The following CSMD1 variants were observed in gnomAD, a reference collection of about 807,000 sequenced individuals.
CSMD1 encodes CUB and sushi domain-containing protein 1.
CSMD1 carries 213 observed loss-of-function variants against 417.5 expected under a neutral mutation model. That is an observed-to-expected ratio of 0.51 (90% CI 0.46 to 0.57). The LOEUF (loss-of-function observed/expected upper bound fraction) is 0.57, where lower values mean the gene tolerates loss of function less well. CSMD1 is among the 20% of genes least tolerant of loss of function. CSMD1 has a pLI of 0.00. For missense variants in CSMD1, 6,923 were observed against 4,529.7 expected (o/e 1.53, Z -15.17); for synonymous variants, 2,862 against 1,736.8 (o/e 1.65, Z -16.11).
At chr8:3,954,583 G>T (rs913453240) in intron 5 of CSMD1, among the ~76,000 whole-genome samples, 1 of 152,222 alleles carries the variant, frequency 6.6e-6, no homozygotes, top group African/African-American at 2.4e-5. Flanking sequence ...TGCTCAGGCT[G>T]GAACGCCTGA....
chr8:4,914,505 G>A (rs542569706), intron 1 of CSMD1, among the ~76,000 whole-genome samples: 10 of 150,958 alleles, frequency 6.6e-5, no homozygotes, highest in Admixed American at 3.3e-4. Flanking sequence ...GTGAACCTGG[G>A]ATGCGGAGTT....
intron 5 of CSMD1, among the ~76,000 whole-genome samples, chr8:3,992,992 G>T (rs145972891): frequency 1.3e-5 from 2 of 152,214 alleles, no homozygotes; most frequent in Non-Finnish European, 2.9e-5. Flanking sequence ...GTTGGACAGG[G>T]CCAAGGAGGC....
chr8:4,049,664 C>G (rs1288614283), intron 3 of CSMD1, among the ~76,000 whole-genome samples: 1 of 152,068 alleles, frequency 6.6e-6, no homozygotes, highest in Non-Finnish European at 1.5e-5. Flanking sequence ...AATCGACAAG[C>G]ATAGGTATAG....
intron 26 of CSMD1, among the ~76,000 whole-genome samples, chr8:3,238,887 G>T (rs948358329): frequency 9.9e-5 from 15 of 152,144 alleles, no homozygotes; most frequent in African/African-American, 3.6e-4. Flanking sequence ...GTGTAAACCA[G>T]CAGTGTAATC....
chr8:4,572,852 T>G (rs1462213480), intron 2 of CSMD1, among the ~76,000 whole-genome samples: 1 of 152,180 alleles, frequency 6.6e-6, no homozygotes, highest in Non-Finnish European at 1.5e-5. Flanking sequence ...TCTTCATGCT[T>G]TATTTCATTA....
chr8:2,971,965 T>A (rs1282632669), intron 57 of CSMD1, among the ~76,000 whole-genome samples: 2 of 152,122 alleles, frequency 1.3e-5, no homozygotes, highest in African/African-American at 4.8e-5. Flanking sequence ...CATATGTGTA[T>A]GCCTATATTA....
At chr8:3,505,325 A>G (rs1796778980) in intron 10 of CSMD1, among the ~76,000 whole-genome samples, 1 of 152,220 alleles carries the variant, frequency 6.6e-6, no homozygotes, top group African/African-American at 2.4e-5. Flanking sequence ...GAAACTTTGA[A>G]GGAGCAAAAG....
At chr8:3,339,636 A>C (rs1405403615) in intron 23 of CSMD1, among the ~76,000 whole-genome samples, 1 of 152,126 alleles carries the variant, frequency 6.6e-6, no homozygotes, top group Non-Finnish European at 1.5e-5. Context: ...TCTGATATCC[A>C]ATGCTTCTGT....
At chr8:4,118,432 G>A (rs1802286008) in intron 3 of CSMD1, among the ~76,000 whole-genome samples, 2 of 151,614 alleles carry the variant, frequency 1.3e-5, no homozygotes, top group Non-Finnish European at 2.9e-5. Flanking sequence ...GTATACAAAG[G>A]ATATGGACAG....
intron 1 of CSMD1, among the ~76,000 whole-genome samples, chr8:4,879,612 C>T (rs1803269006): frequency 1.3e-5 from 2 of 151,816 alleles, no homozygotes; most frequent in African/African-American, 4.8e-5. Context: ...ACTGTAGTTA[C>T]AGAATCAACA....
At chr8:3,740,580 C>A (rs1004274765) in intron 6 of CSMD1, among the ~76,000 whole-genome samples, 1 of 152,052 alleles carries the variant, frequency 6.6e-6, no homozygotes, top group Non-Finnish European at 1.5e-5. Context: ...ATGGCACACA[C>A]AGGAAGGAGG....
chr8:3,503,332 G>C (rs948033286), intron 10 of CSMD1, among the ~76,000 whole-genome samples: 2 of 152,178 alleles, frequency 1.3e-5, no homozygotes, highest in South Asian at 2.1e-4. Flanking sequence ...ATGAAGAAGA[G>C]GATTCACACA....
intron 12 of CSMD1, among the ~76,000 whole-genome samples, chr8:3,459,700 G>T (rs549938043): frequency 6.6e-6 from 1 of 152,026 alleles, no homozygotes; most frequent in Admixed American, 6.6e-5. Context: ...TCAGGAATTG[G>T]GTTCCGAAAG....
chr8:3,532,197 G>A (rs774773311), intron 10 of CSMD1, among the ~76,000 whole-genome samples: 1 of 152,098 alleles, frequency 6.6e-6, no homozygotes, highest in Non-Finnish European at 1.5e-5. Context: ...CTCACCCTTA[G>A]TATGTCCGTG....
chr8:4,618,230 A>G (rs1377473565), intron 2 of CSMD1, among the ~76,000 whole-genome samples: 1 of 151,920 alleles, frequency 6.6e-6, no homozygotes, highest in African/African-American at 2.4e-5. Flanking sequence ...ATCCTACCCA[A>G]CTCAAGCCCA....
chr8:2,963,869 T>A (rs975330080), intron 59 of CSMD1, among the ~76,000 whole-genome samples: 7 of 152,164 alleles, frequency 4.6e-5, no homozygotes, highest in Admixed American at 4.6e-4. Context: ...CTGAATATAT[T>A]TTTTTAGAAA....
At chr8:2,964,696 G>A (rs531768176) in intron 59 of CSMD1, among the ~76,000 whole-genome samples, 53 of 152,260 alleles carry the variant, frequency 3.5e-4, no homozygotes, top group African/African-American at 8.9e-4. Flanking sequence ...TTTATTTAGC[G>A]TCAGCTATAT....
At chr8:3,906,671 G>C (rs1808134002) in intron 5 of CSMD1, among the ~76,000 whole-genome samples, 1 of 150,988 alleles carries the variant, frequency 6.6e-6, no homozygotes, top group Admixed American at 6.6e-5. Context: ...GCACAGCAGA[G>C]AGAAAATAAC....
At chr8:3,768,660 C>A (rs1473266682) in intron 5 of CSMD1, among the ~76,000 whole-genome samples, 2 of 152,148 alleles carry the variant, frequency 1.3e-5, no homozygotes, top group Admixed American at 1.3e-4. Context: ...AAGCTCAGAA[C>A]TTTTAAGTGT....
Sources: allele counts gnomAD v4.1 joint callset (sites outside exome capture counted in the v4.1 genomes callset), GRCh38; gene constraint gnomAD v4.1.1; transcripts MANE v1.5; gene names NCBI Gene and HGNC (gene_info 2026-07-23, HGNC 2026-07-21).